Variants in ZNF385B observed in about 807,000 individuals in gnomAD.
ZNF385B encodes the protein zinc finger protein 533.
A neutral mutation model predicts 39.2 loss-of-function variants in ZNF385B; 23 were observed. That is an observed-to-expected ratio of 0.59 (90% CI 0.42 to 0.83). The LOEUF is 0.83. Ranked by LOEUF, ZNF385B falls within the 40% of genes least tolerant of loss-of-function variation. ZNF385B has a pLI of 0.00. For missense variants in ZNF385B, 552 were observed against 598.9 expected (o/e 0.92, Z 0.82); for synonymous variants, 205 against 222.6 (o/e 0.92, Z 0.70).
At chr2:179,543,354 A>G (rs928784052) in intron 4 of ZNF385B, among the ~76,000 whole-genome samples, 1 of 152,248 alleles carries the variant, frequency 6.6e-6, no homozygotes, top group African/African-American at 2.4e-5. Flanking sequence ...GACTACTTGC[A>G]TCATGAATGC....
At chr2:179,768,321 G>T (rs367887164) in intron 3 of ZNF385B, among the ~76,000 whole-genome samples, 1 of 151,998 alleles carries the variant, frequency 6.6e-6, no homozygotes, top group African/African-American at 2.4e-5. Context: ...ATAATAAATA[G>T]AAAATGGAAA....
chr2:179,455,453 TCC>T (rs1045347064), intron 6 of ZNF385B, among the ~76,000 whole-genome samples: 3 of 152,056 alleles, frequency 2.0e-5, no homozygotes, highest in Non-Finnish European at 4.4e-5. Context: ...AAGAGTTTTT[TCC>T]CCCTTTTGCT....
intron 6 of ZNF385B, among the ~76,000 whole-genome samples, chr2:179,466,198 T>C (rs1168701543): frequency 6.6e-6 from 1 of 152,196 alleles, no homozygotes; most frequent in Non-Finnish European, 1.5e-5. Flanking sequence ...CCTTGCGATG[T>C]ACTAGACAGG....
At chr2:179,541,449 C>A (rs79208503) in intron 4 of ZNF385B, among the ~76,000 whole-genome samples, 19,210 of 152,136 alleles carry the variant, frequency 0.13, 1,403 homozygotes, top group Non-Finnish European at 0.16. Context: ...TTTTAAAAAT[C>A]TACTTAAAGA....
intron 3 of ZNF385B, among the ~76,000 whole-genome samples, chr2:179,625,173 G>T (rs570309728): frequency 1.3e-5 from 2 of 152,234 alleles, no homozygotes; most frequent in African/African-American, 2.4e-5. Context: ...TGTGAGAAAT[G>T]ATTTTTGGCC....
At chr2:179,708,737 C>G (rs1275995321) in intron 3 of ZNF385B, among the ~76,000 whole-genome samples, 1 of 152,184 alleles carries the variant, frequency 6.6e-6, no homozygotes, top group Non-Finnish European at 1.5e-5. Flanking sequence ...TGTAGTACAG[C>G]TGCCAGTCCC....
At chr2:179,612,207 C>T (rs1171502607) in intron 3 of ZNF385B, among the ~76,000 whole-genome samples, 1 of 152,134 alleles carries the variant, frequency 6.6e-6, no homozygotes, top group Admixed American at 6.5e-5. Flanking sequence ...TCTATCTCTC[C>T]AGGATTGGTC....
intron 5 of ZNF385B, among the ~76,000 whole-genome samples, chr2:179,506,748 G>A (rs1325208124): frequency 6.6e-6 from 1 of 151,922 alleles, no homozygotes; most frequent in East Asian, 1.9e-4. Flanking sequence ...TGTGGCTATT[G>A]TTACTAGTCA....
At chr2:179,671,631 A>G (rs947267799) in intron 3 of ZNF385B, among the ~76,000 whole-genome samples, 1 of 152,186 alleles carries the variant, frequency 6.6e-6, no homozygotes, top group Non-Finnish European at 1.5e-5. Flanking sequence ...GAAGGGAGGT[A>G]GGTAGTACAA....
At chr2:179,755,863 T>A (rs1287263882) in intron 3 of ZNF385B, among the ~76,000 whole-genome samples, 1 of 152,238 alleles carries the variant, frequency 6.6e-6, no homozygotes, top group Non-Finnish European at 1.5e-5. Context: ...TACAGCACAC[T>A]GATAGGTCTT....
At chr2:179,569,649 T>A (rs1185920759) in intron 3 of ZNF385B, among the ~76,000 whole-genome samples, 1 of 152,188 alleles carries the variant, frequency 6.6e-6, no homozygotes. Flanking sequence ...GGTTAGAACA[T>A]GAGGACACAG....
At chr2:179,478,478 G>A (rs991002070) in intron 6 of ZNF385B, among the ~76,000 whole-genome samples, 1 of 152,200 alleles carries the variant, frequency 6.6e-6, no homozygotes, top group African/African-American at 2.4e-5. Context: ...ATGTAACTGC[G>A]TCTTGTAAGC....
chr2:179,506,391 C>T (rs1311585916), intron 5 of ZNF385B, among the ~76,000 whole-genome samples: 1 of 151,826 alleles, frequency 6.6e-6, no homozygotes, highest in Non-Finnish European at 1.5e-5. Flanking sequence ...AATATTTTAC[C>T]GATTTTGGCT....
intron 3 of ZNF385B, among the ~76,000 whole-genome samples, chr2:179,762,657 TA>T (rs760190983): frequency 1.3e-5 from 2 of 152,224 alleles, no homozygotes; most frequent in Non-Finnish European, 2.9e-5. Flanking sequence ...GTAGGGTTTC[TA>T]AAAATAATGT....
At chr2:179,457,555 T>C (rs2050833640) in intron 6 of ZNF385B, among the ~76,000 whole-genome samples, 1 of 152,166 alleles carries the variant, frequency 6.6e-6, no homozygotes, top group Non-Finnish European at 1.5e-5. Flanking sequence ...GTATTGTCAG[T>C]CCTTTTGATT....
At position 179,658,580 on chromosome 2, in the gene ZNF385B, A is replaced by C. The variant is rs573490963; in HGVS notation, c.298+110923T>G. Among the ~76,000 whole-genome samples the C allele has an allele frequency of 2.6e-5, 4 of 152,286 alleles. No individual in the cohort carries two copies. The South Asian group carries it at 8.3e-4, about 32-fold the overall frequency. On this transcript the variant is annotated intron_variant, in intron 3 of 9. Transcript: ENST00000410066. ...ACTCTTCTTTACTTATAATACTGTT[A>C]CCAAGTAGAATAGTGGGCTTGAAAT...
intron 3 of ZNF385B, among the ~76,000 whole-genome samples, chr2:179,572,119 T>C (rs1263728075): frequency 2.0e-5 from 3 of 151,790 alleles, no homozygotes; most frequent in East Asian, 2.0e-4. Flanking sequence ...GGACAGGAGG[T>C]GGGCCAGGAG....
chr2:179,731,024 A>T (rs1451340338), intron 3 of ZNF385B, among the ~76,000 whole-genome samples: 1 of 152,246 alleles, frequency 6.6e-6, no homozygotes, highest in Non-Finnish European at 1.5e-5. Flanking sequence ...AACATAGATT[A>T]AGGCTTTGAA....
At chr2:179,628,775 G>T (rs764330842) in intron 3 of ZNF385B, among the ~76,000 whole-genome samples, 2 of 152,118 alleles carry the variant, frequency 1.3e-5, no homozygotes, top group Non-Finnish European at 2.9e-5. Flanking sequence ...GTATTGGCTG[G>T]AATTCTTCTG....
Sources: gnomAD v4.1 joint callset for allele counts (sites outside exome capture counted in the v4.1 genomes callset) on GRCh38, gnomAD v4.1.1 for gene constraint, MANE v1.5 for transcripts, NCBI Gene and HGNC (gene_info 2026-07-23, HGNC 2026-07-21) for gene names.